PYROXD1: variants seen among roughly 807,000 people sequenced by gnomAD.
PYROXD1 encodes pyridine nucleotide-disulphide oxidoreductase domain 1, also known as tRNA ligase complex-associated NAD(P)H dehydrogenase PYROXD1.
PYROXD1 carries 42 observed loss-of-function variants against 62.0 expected under a neutral mutation model. That is an observed-to-expected ratio of 0.68 (90% CI 0.53 to 0.88). PYROXD1 has a LOEUF of 0.88. PYROXD1 is among the 40% of genes least tolerant of loss of function. The probability of loss-of-function intolerance (pLI) is 0.00; values close to 1 mark genes in which losing one functional copy is unlikely to be tolerated. For missense variants in PYROXD1, 493 were observed against 604.8 expected (o/e 0.82, Z 1.94); for synonymous variants, 170 against 206.4 (o/e 0.82, Z 1.51).
intron 10 of PYROXD1, among the ~76,000 whole-genome samples, chr12:21,464,844 G>A (rs994605633): frequency 2.6e-5 from 4 of 151,804 alleles, no homozygotes; most frequent in Non-Finnish European, 4.4e-5. Flanking sequence ...AAGAGTCCCC[G>A]GTGTGTGATG....
chr12:21,446,148 G>T (rs1278811687), intron 3 of PYROXD1, among the ~76,000 whole-genome samples: 2 of 152,198 alleles, frequency 1.3e-5, no homozygotes, highest in Admixed American at 1.3e-4. Flanking sequence ...GTTTGGGCCG[G>T]TGCGTTGGCT....
At chr12:21,455,010 T>C in intron 5 of PYROXD1, 122 bp from the exon 6 acceptor site, 1 of 459,056 alleles carries the variant, frequency 2.2e-6, no homozygotes. Context: ...TAATCAATCT[T>C]TCCCAGTTAG....
chr12:21,438,044 A>G (rs758007638), intron 1 of PYROXD1: 1 of 572,894 alleles, frequency 1.7e-6, no homozygotes, highest in South Asian at 2.1e-5. Flanking sequence ...TAGCCGAGAA[A>G]CCAAAGCTGG....
At position 21,470,385 on chromosome 12, in the gene PYROXD1, A is replaced by G; in HGVS notation, c.*1631A>G. 1.3e-6 allele frequency: 2 copies of G among 1,502,478 alleles called. No individual in the cohort carries two copies. The highest frequency in any genetic ancestry group is 8.9e-7 in the Non-Finnish European group (1 of 1,129,570). The allele number at this position is 1,502,478 out of a possible 1,614,324, so 93.1% of individuals were successfully genotyped here. ...AAAAAAACAAAGCAAGCACCTTGGTAAAAATCCAGCTATTCAGTTTTCTCA... is the reference window on the plus strand; with the variant it reads ...AAAAAAACAAAGCAAGCACCTTGGTGAAAATCCAGCTATTCAGTTTTCTCA... On this transcript the variant is annotated 3_prime_UTR_variant, in exon 12 of 12. Coordinates refer to ENST00000240651, the MANE Select transcript of PYROXD1 (RefSeq NM_024854.5).
At chr12:21,443,468 A>C (rs1942332703) in intron 2 of PYROXD1, among the ~76,000 whole-genome samples, 1 of 152,124 alleles carries the variant, frequency 6.6e-6, no homozygotes, top group African/African-American at 2.4e-5. Context: ...TTATAGTAGG[A>C]GTCTAAGAAC....
chr12:21,441,724 A>G (rs1334604106), intron 2 of PYROXD1, among the ~76,000 whole-genome samples: 1 of 136,752 alleles, frequency 7.3e-6, no homozygotes, highest in East Asian at 2.2e-4. Context: ...CAGCTTCTTT[A>G]AACAATTATT....
At chr12:21,461,654 G>A (rs890118496) in intron 8 of PYROXD1, among the ~76,000 whole-genome samples, 1 of 152,136 alleles carries the variant, frequency 6.6e-6, no homozygotes, top group African/African-American at 2.4e-5. Flanking sequence ...AGTGAGGGAA[G>A]ACACCTAGTT....
In PYROXD1 at chr12:21,450,235, G is replaced by A. The variant is rs191532827; in HGVS notation, c.414+544G>A. Among the ~76,000 whole-genome samples the A allele has an allele frequency of 5.1e-4, 78 of 152,142 alleles. No homozygotes were observed. In the East Asian group the frequency reaches 6.0e-3, roughly 12 times the overall value. On this transcript the variant is annotated intron_variant, in intron 4 of 11. Coordinates refer to ENST00000240651, the MANE Select transcript of PYROXD1 (RefSeq NM_024854.5). Reference sequence around the variant, plus strand: ...AAGTTCATGCTGATGTGTTATCAGCGTGAGATAACCCAGATATAATGACTG... The same window carrying A: ...AAGTTCATGCTGATGTGTTATCAGCATGAGATAACCCAGATATAATGACTG...
chr12:21,458,410 G>T (rs1942637977), intron 7 of PYROXD1, among the ~76,000 whole-genome samples: 1 of 151,190 alleles, frequency 6.6e-6, no homozygotes, highest in Non-Finnish European at 1.5e-5. Flanking sequence ...ATGTCAGCAA[G>T]AAGACTGTTT....
rs1400763626 is a variant in PYROXD1 at position 21,440,347 on chromosome 12, TTC to T, written c.85-15_85-14del. On this transcript the variant is annotated intron_variant, in intron 1 of 11. Coordinates refer to ENST00000240651, the MANE Select transcript of PYROXD1 (RefSeq NM_024854.5). The stretch of plus-strand genomic sequence containing the variant: ...TTAAAGTAATTTGTCCTAATTTTTT[TTC>T]TCTCTTTTTAAAAATAAGTTGGCTA... The T allele has an allele frequency of 4.8e-6, 7 of 1,459,118 alleles. No homozygotes were observed. The highest frequency in any genetic ancestry group is 4.2e-5 in the African/African-American group (3 of 70,604). 90.4% of individuals were successfully genotyped at this position (1,459,118 alleles called of 1,614,324 possible).
rs1591962339 is a variant in PYROXD1 at position 21,468,935 on chromosome 12, A to G, written c.*181A>G. On this transcript the variant is annotated 3_prime_UTR_variant, in exon 12 of 12. Coordinates refer to ENST00000240651, the MANE Select transcript of PYROXD1 (RefSeq NM_024854.5). ...TAAGTTTGAAATCAGTTCAAAGTTT[A>G]TTTATAGATATATCTTTCCAATACA... The G allele has an allele frequency of 1.1e-5, 6 of 569,636 alleles. No individual in the cohort carries two copies. In the East Asian group the frequency reaches 2.0e-4, roughly 19 times the overall value. 35.3% of individuals were successfully genotyped at this position (569,636 alleles called of 1,614,324 possible). A position where few individuals can be genotyped will look rare whatever the true frequency, so the allele number is the denominator to read the frequency against.
At chr12:21,457,952 G>C (rs1942630080) in intron 7 of PYROXD1, among the ~76,000 whole-genome samples, 1 of 147,506 alleles carries the variant, frequency 6.8e-6, no homozygotes, top group Non-Finnish European at 1.5e-5. Flanking sequence ...AGGCAGGGTA[G>C]ATGTAGTATA....
chr12:21,439,040 T>A (rs940112053), intron 1 of PYROXD1, among the ~76,000 whole-genome samples: 1 of 152,206 alleles, frequency 6.6e-6, no homozygotes, highest in Non-Finnish European at 1.5e-5. Context: ...AAGGTATTTT[T>A]AAAATCTCAT....
In PYROXD1 at chr12:21,455,998, G is replaced by A; in HGVS notation, c.653G>A (p.Arg218Lys). 1 of 1,596,248 alleles carries A rather than the reference G, an allele frequency of 6.3e-7. No homozygotes were observed. The highest frequency in any genetic ancestry group is 8.6e-7 in the Non-Finnish European group (1 of 1,167,376). ...TTATTTAATTTCATCTCTTTAGGAA[G>A]GAAAAAGGAAGCTAGAAGCAAATCT... ...HKRTRYTTEG[R>K]KKEARSKSKA... Residue 218 changes from arginine to lysine, a missense_variant, in exon 7 of 12, where the codon AGG becomes AAG. By Grantham distance (26) the Arg-to-Lys change is conservative. Coordinates refer to ENST00000240651, the MANE Select transcript of PYROXD1 (RefSeq NM_024854.5).
chr12:21,443,810 A>G (rs1340976003), intron 2 of PYROXD1, among the ~76,000 whole-genome samples: 2 of 152,198 alleles, frequency 1.3e-5, no homozygotes, highest in East Asian at 3.8e-4. Context: ...GTTTAGTGGC[A>G]TATACCATGT....
chr12:21,439,111 A>G lies in PYROXD1; in HGVS notation c.85-1257A>G, dbSNP rs150140684. 2.3e-3 allele frequency among the ~76,000 whole-genome samples: 346 copies of G among 152,354 alleles called. 14 individuals carry two copies. The East Asian group carries it at 0.053, about 23-fold the overall frequency. The stretch of plus-strand genomic sequence containing the variant: ...AGAAAAGAATGTCATCTCCAGTGGA[A>G]AAGCATGGATCATCAGGGAGCAGTA... On this transcript the variant is annotated intron_variant, in intron 1 of 11. Transcript: ENST00000240651.
intron 4 of PYROXD1, among the ~76,000 whole-genome samples, chr12:21,449,994 A>G (rs1227819504): frequency 6.7e-6 from 1 of 148,728 alleles, no homozygotes; most frequent in Non-Finnish European, 1.5e-5. Flanking sequence ...AGAAGCTGGG[A>G]CTACAGGTGC....
intron 3 of PYROXD1, among the ~76,000 whole-genome samples, chr12:21,446,584 A>G (rs1232425844): frequency 2.0e-5 from 3 of 151,978 alleles, no homozygotes; most frequent in Non-Finnish European, 4.4e-5. Flanking sequence ...TAGCCAACCA[A>G]ACTAGAAGGT....
chr12:21,447,541 T>TA (rs1942412764), intron 3 of PYROXD1: 1 of 165,522 alleles, frequency 6.0e-6, no homozygotes, highest in Non-Finnish European at 1.5e-5. Flanking sequence ...CATTGTCCTT[T>TA]ACATTTTTGT....
Sources: gnomAD v4.1 joint callset for allele counts (sites outside exome capture counted in the v4.1 genomes callset) on GRCh38, gnomAD v4.1.1 for gene constraint, MANE v1.5 for transcripts, NCBI Gene and HGNC (gene_info 2026-07-23, HGNC 2026-07-21) for gene names.